Variants in RCOR3 observed in about 807,000 individuals in gnomAD.
RCOR3 encodes the protein REST corepressor 3.
RCOR3 carries 13 observed loss-of-function variants against 64.1 expected under a neutral mutation model. That is an observed-to-expected ratio of 0.20 (90% CI 0.13 to 0.32). The LOEUF (loss-of-function observed/expected upper bound fraction) is 0.32, where lower values mean the gene tolerates loss of function less well. Ranked by LOEUF, RCOR3 falls within the 10% of genes least tolerant of loss-of-function variation. The pLI is 1.00. For synonymous variants in RCOR3, 215 were observed against 239.0 expected (o/e 0.90, Z 0.93); for missense variants, 489 against 701.2 (o/e 0.70, Z 3.42).
intron 7 of RCOR3, among the ~76,000 whole-genome samples, chr1:211,286,339 G>A (rs1001963307): frequency 4.9e-5 from 7 of 142,410 alleles, no homozygotes; most frequent in East Asian, 2.0e-4. Context: ...AGACAGTCTC[G>A]CTTTGTCACC....
At chr1:211,280,247 C>T (rs971617574) in intron 7 of RCOR3, among the ~76,000 whole-genome samples, 19 of 152,300 alleles carry the variant, frequency 1.2e-4, no homozygotes, top group African/African-American at 3.6e-4. Context: ...ATCCATGTCA[C>T]AGAGAAAGTG....
intron 2 of RCOR3, among the ~76,000 whole-genome samples, chr1:211,263,698 T>C (rs1694741302): frequency 6.6e-6 from 1 of 152,262 alleles, no homozygotes; most frequent in South Asian, 2.1e-4. Context: ...ATACTGCTGA[T>C]CTATTTTATT....
intron 7 of RCOR3, among the ~76,000 whole-genome samples, chr1:211,280,623 C>T (rs1697647570): frequency 6.6e-6 from 1 of 152,186 alleles, no homozygotes; most frequent in Non-Finnish European, 1.5e-5. Flanking sequence ...CACCAGTTAT[C>T]CTTTGTCTTT....
intron 9 of RCOR3, 78 bp downstream of exon 9, chr1:211,295,831 TTGGTCACA>T (rs1699811259): frequency 9.5e-7 from 1 of 1,050,668 alleles, no homozygotes; most frequent in Non-Finnish European, 1.5e-6. Context: ...AAGTACTATT[TTGGTCACA>T]TGCATCATTA....
intron 9 of RCOR3, chr1:211,302,673 C>T (rs1700498890): frequency 2.6e-5 from 4 of 152,112 alleles, no homozygotes; most frequent in African/African-American, 9.7e-5. Context: ...ATTTTCTTAC[C>T]ATTTACTATA....
intron 10 of RCOR3, among the ~76,000 whole-genome samples, chr1:211,308,673 GTTTTTTTTTTGT>G (rs1382844008): frequency 3.2e-4 from 13 of 40,476 alleles, no homozygotes; most frequent in African/African-American, 7.1e-4. Flanking sequence ...TTTTTTTTTT[GTTTTTTTTTTGT>G]TTTTTTTTTT....
chr1:211,304,055 A>AT, intron 9 of RCOR3, 28 bp from the exon 10 acceptor site: 3 of 1,554,264 alleles, frequency 1.9e-6, no homozygotes, highest in Non-Finnish European at 2.6e-6. Context: ...TCATATCCTC[A>AT]TTAGGAAACT....
At chr1:211,276,701 A>G (rs1438095511) in intron 5 of RCOR3, among the ~76,000 whole-genome samples, 1 of 152,234 alleles carries the variant, frequency 6.6e-6, no homozygotes, top group Non-Finnish European at 1.5e-5. Flanking sequence ...CAGGAAAAAA[A>G]ATAATTTCAA....
intron 2 of RCOR3, among the ~76,000 whole-genome samples, chr1:211,264,939 T>G (rs1339346106): frequency 1.3e-5 from 2 of 152,232 alleles, no homozygotes; most frequent in Admixed American, 1.3e-4. Flanking sequence ...GCTAATTTTT[T>G]ATCATATGCC....
intron 8 of RCOR3, among the ~76,000 whole-genome samples, chr1:211,295,044 ATTTTTTTTT>A (rs67407386): frequency 4.5e-5 from 2 of 44,390 alleles, no homozygotes; most frequent in African/African-American, 1.6e-4. Flanking sequence ...TGACCAGCTA[ATTTTTTTTT>A]TTTTTTTTTT....
intron 8 of RCOR3, among the ~76,000 whole-genome samples, chr1:211,292,570 G>T (rs940902883): frequency 6.6e-6 from 1 of 152,104 alleles, no homozygotes; most frequent in Non-Finnish European, 1.5e-5. Context: ...ACACAGTAAA[G>T]GTTTGCACTC....
chr1:211,274,384 C>G, intron 4 of RCOR3, 122 bp downstream of exon 4: 1 of 562,812 alleles, frequency 1.8e-6, no homozygotes, highest in South Asian at 3.5e-5. Context: ...ATAGATACCA[C>G]AAAAGTCCTA....
chr1:211,297,727 G>T (rs1699984451), intron 9 of RCOR3, among the ~76,000 whole-genome samples: 1 of 152,110 alleles, frequency 6.6e-6, no homozygotes, highest in East Asian at 1.9e-4. Context: ...GTATCATCTA[G>T]AGAGTCCTCA....
chr1:211,291,488 C>A (rs970755632), intron 8 of RCOR3: 18 of 442,396 alleles, frequency 4.1e-5, no homozygotes, highest in Admixed American at 1.5e-4. Context: ...AGGGAATACT[C>A]AACCTGGATA....
Position 211,265,834 on chromosome 1 carries a change from CTAGTAGT to C in RCOR3, c.224-5395_224-5389del, listed in dbSNP as rs1377591421. On this transcript the variant is annotated intron_variant, in intron 2 of 11. Coordinates refer to ENST00000419091, the MANE Select transcript of RCOR3 (RefSeq NM_001136223.3). ...AATTAGTGCATAATTGATTAAAACT[CTAGTAGT>C]TATGGTGCCTTGAGTAAAGGAGGGT... is the stretch of plus-strand genomic sequence containing the variant. Among the ~76,000 whole-genome samples the C allele has an allele frequency of 5.3e-5, 8 of 152,254 alleles. No homozygotes were observed. In the East Asian group the frequency reaches 9.7e-4, roughly 18 times the overall value.
chr1:211,278,327 A>G, intron 6 of RCOR3, 86 bp downstream of exon 6: 1 of 1,380,668 alleles, frequency 7.2e-7, no homozygotes, highest in Non-Finnish European at 1.0e-6. Flanking sequence ...AGTTATCACA[A>G]CACATTGTAA....
At position 211,295,706 on chromosome 1, in the gene RCOR3, C is replaced by A; in HGVS notation, c.970C>A (p.Leu324Ile). The change falls in exon 9 of 12, where the codon CTT becomes ATT. Residue 324 changes from leucine to isoleucine, a missense_variant. Physicochemically the swap from Leu to Ile is conservative, Grantham distance 5. Coordinates refer to ENST00000419091, the MANE Select transcript of RCOR3 (RefSeq NM_001136223.3). ...VQNAKQVNSA[L>I]KQKMEGGIEE... The stretch of plus-strand genomic sequence containing the variant: ...GAATGCTAAGCAAGTAAACAGTGCA[C>A]TTAAACAGAAAATGGAAGGTGGAAT... 6.2e-7 allele frequency: 1 copy of A among 1,613,534 alleles called. No individual in the cohort carries two copies. The highest frequency in any genetic ancestry group is 1.1e-5 in the South Asian group (1 of 91,068).
In RCOR3 at chr1:211,280,984, C is replaced by CAAAAA. The variant is rs57531814; in HGVS notation, c.720+1681_720+1685dup. Among the ~76,000 whole-genome samples the CAAAAA allele has an allele frequency of 1.8e-5, 2 of 114,018 alleles. 1 individual carries two copies. Among genetic ancestry groups the CAAAAA allele is most frequent in the Non-Finnish European group, 3.5e-5 (2 of 57,538 alleles). The allele number at this position is 114,018 out of a possible 152,430, so 74.8% of individuals were successfully genotyped here. A position where few individuals can be genotyped will look rare whatever the true frequency, so the allele number is the denominator to read the frequency against. Reference sequence around the variant, plus strand: ...GGGTAACAAGAGCGAAACTCCATCTCAAAAAAAAAAAAAAAAAGGCATATG... The same window carrying CAAAAA: ...GGGTAACAAGAGCGAAACTCCATCTCAAAAAAAAAAAAAAAAAAAAAAGGCATATG... On this transcript the variant is annotated intron_variant, in intron 7 of 11. Coordinates refer to ENST00000419091, the MANE Select transcript of RCOR3 (RefSeq NM_001136223.3).
chr1:211,277,548 G>A (rs1024075914), intron 5 of RCOR3, among the ~76,000 whole-genome samples: 1 of 152,132 alleles, frequency 6.6e-6, no homozygotes, highest in Non-Finnish European at 1.5e-5. Context: ...CTTGCTAATT[G>A]AAAGAAGCAA....
Sources: gnomAD v4.1 joint callset for allele counts (sites outside exome capture counted in the v4.1 genomes callset) on GRCh38, gnomAD v4.1.1 for gene constraint, MANE v1.5 for transcripts, NCBI Gene and HGNC (gene_info 2026-07-23, HGNC 2026-07-21) for gene names.